The following TMEM232 variants were observed in gnomAD, a reference collection of about 807,000 sequenced individuals.
The protein encoded by TMEM232 is transmembrane protein 232.
In TMEM232, 80 loss-of-function variants were observed where a neutral mutation model predicts 78.8. The ratio of observed to expected loss-of-function variants is 1.01; its 90% CI spans 0.85 to 1.22. The LOEUF (loss-of-function observed/expected upper bound fraction) is 1.22, where lower values mean the gene tolerates loss of function less well. TMEM232 is among the 50% of genes most tolerant of loss of function. TMEM232 has a pLI of 0.00. For missense variants in TMEM232, 881 were observed against 742.2 expected (o/e 1.19, Z -2.17); for synonymous variants, 297 against 254.3 (o/e 1.17, Z -1.60).
At chr5:110,536,437 T>G (rs1772367893) in intron 11 of TMEM232, among the ~76,000 whole-genome samples, 1 of 152,240 alleles carries the variant, frequency 6.6e-6, no homozygotes, top group African/African-American at 2.4e-5. Flanking sequence ...GACTCTTTTC[T>G]ATCTTTTCTG....
At chr5:110,541,907 G>A (rs1219971969) in intron 11 of TMEM232, among the ~76,000 whole-genome samples, 1 of 152,104 alleles carries the variant, frequency 6.6e-6, no homozygotes, top group Non-Finnish European at 1.5e-5. Flanking sequence ...GAACTAACCA[G>A]CAACCCTAAA....
chr5:110,466,147 C>G (rs1013400701), intron 12 of TMEM232, among the ~76,000 whole-genome samples: 5 of 152,248 alleles, frequency 3.3e-5, no homozygotes, highest in African/African-American at 1.2e-4. Context: ...CTAATCACAA[C>G]TTTGAAAAAT....
At chr5:110,620,753 T>C (rs1211121491) in intron 7 of TMEM232, among the ~76,000 whole-genome samples, 1 of 151,104 alleles carries the variant, frequency 6.6e-6, no homozygotes, top group Non-Finnish European at 1.5e-5. Flanking sequence ...CCTTTGGCAG[T>C]AGAACATTGA....
At chr5:110,530,436 G>A (rs1771279234) in intron 11 of TMEM232, among the ~76,000 whole-genome samples, 1 of 152,122 alleles carries the variant, frequency 6.6e-6, no homozygotes, top group South Asian at 2.1e-4. Context: ...CATGTTTATT[G>A]CAACATTACT....
intron 1 of TMEM232, among the ~76,000 whole-genome samples, chr5:110,713,967 T>C (rs781264963): frequency 2.6e-5 from 4 of 152,188 alleles, no homozygotes; most frequent in Non-Finnish European, 5.9e-5. Context: ...AGGTGGTCTT[T>C]AATGGTCAGT....
Position 110,693,173 on chromosome 5 carries a change from T to C in TMEM232, c.-12-25809A>G, listed in dbSNP as rs367655563. ...ATATCCACTGTTCCGCAGCCACTGCTGCTGACACCCAGGCAAACAGGGTCT... is the reference window on the plus strand; with the variant it reads ...ATATCCACTGTTCCGCAGCCACTGCCGCTGACACCCAGGCAAACAGGGTCT... On this transcript the variant is annotated intron_variant, in intron 1 of 13. Coordinates refer to ENST00000455884, the MANE Select transcript of TMEM232 (RefSeq NM_001039763.4). Among the ~76,000 whole-genome samples, 13 of 152,328 alleles carry C rather than the reference T, an allele frequency of 8.5e-5. 2 individuals are homozygous for C. Among genetic ancestry groups the C allele is most frequent in the East Asian group, 5.8e-4 (3 of 5,170 alleles).
chr5:110,662,729 G>A (rs1388729213), intron 2 of TMEM232, among the ~76,000 whole-genome samples: 1 of 152,098 alleles, frequency 6.6e-6, no homozygotes, highest in African/African-American at 2.4e-5. Context: ...TACAGAAATA[G>A]TAGAGAAAGG....
intron 12 of TMEM232, among the ~76,000 whole-genome samples, chr5:110,505,884 A>T (rs576767573): frequency 3.3e-5 from 5 of 152,192 alleles, no homozygotes; most frequent in African/African-American, 1.2e-4. Flanking sequence ...CTTTTTTGTT[A>T]TTTTATTCAA....
chr5:110,733,364 A>T (rs1798858273), intron 2 of TMEM232, among the ~76,000 whole-genome samples: 1 of 152,182 alleles, frequency 6.6e-6, no homozygotes. Context: ...AAGGAATATA[A>T]ATCATTCTAC....
intron 1 of TMEM232, among the ~76,000 whole-genome samples, chr5:110,670,184 G>A (rs949765931): frequency 3.3e-5 from 5 of 152,178 alleles, no homozygotes; most frequent in African/African-American, 1.2e-4. Context: ...AAAAGAGGAA[G>A]TCAAATTGTC....
chr5:110,694,443 C>A (rs1794518535), intron 1 of TMEM232, among the ~76,000 whole-genome samples: 1 of 152,128 alleles, frequency 6.6e-6, no homozygotes, highest in East Asian at 1.9e-4. Context: ...GGATCAAATT[C>A]ATACATAACA....
Position 110,431,075 on chromosome 5 carries a change from A to G in TMEM232, c.1704-6159T>C, listed in dbSNP as rs999519417. Among the ~76,000 whole-genome samples, 4 of 151,614 alleles carry G rather than the reference A, an allele frequency of 2.6e-5. No homozygotes were observed. In the Admixed American group the frequency reaches 2.6e-4, roughly 10 times the overall value. On this transcript the variant is annotated intron_variant, in intron 12 of 13. Coordinates refer to ENST00000455884, the MANE Select transcript of TMEM232 (RefSeq NM_001039763.4). ...GGCAATCTTACAGGGTTGACAAAGC[A>G]AAAAAGAGTTTAGAGCTGCCGAGGT...
At chr5:110,423,776 C>CGTGA (rs1403212327) in intron 13 of TMEM232, among the ~76,000 whole-genome samples, 2 of 127,610 alleles carry the variant, frequency 1.6e-5, no homozygotes, top group East Asian at 5.3e-4. Context: ...GTTATTTATG[C>CGTGA]GTGCGTGTGT....
intron 11 of TMEM232, among the ~76,000 whole-genome samples, chr5:110,551,062 C>T (rs1326895224): frequency 1.3e-5 from 2 of 151,912 alleles, no homozygotes; most frequent in African/African-American, 2.4e-5. Context: ...TGCCTCTGAG[C>T]CCACAATGCC....
intron 12 of TMEM232, among the ~76,000 whole-genome samples, chr5:110,445,574 T>A (rs1759558118): frequency 1.3e-5 from 2 of 152,064 alleles, no homozygotes; most frequent in African/African-American, 4.8e-5. Flanking sequence ...CATAACAAAT[T>A]ACCCCATAAT....
At chr5:110,393,365 T>G (rs1314515790) in intron 3 of TMEM232, among the ~76,000 whole-genome samples, 1 of 152,202 alleles carries the variant, frequency 6.6e-6, no homozygotes, top group Non-Finnish European at 1.5e-5. Context: ...AAATTGTCCT[T>G]GAAGAATTGA....
At chr5:110,417,213 C>T (rs1756251630), downstream of TMEM232, among the ~76,000 whole-genome samples, 3 of 152,002 alleles carry the variant, frequency 2.0e-5, no homozygotes, top group Non-Finnish European at 4.4e-5. Flanking sequence ...AACTTTAGAC[C>T]TGAGATACGT....
intron 8 of TMEM232, among the ~76,000 whole-genome samples, chr5:110,616,148 C>T (rs1782899816): frequency 6.6e-6 from 1 of 151,832 alleles, no homozygotes; most frequent in Non-Finnish European, 1.5e-5. Flanking sequence ...AAGCTGGAAA[C>T]ATTGCAAAAC....
chr5:110,627,364 T>C (rs1784547184), intron 6 of TMEM232, among the ~76,000 whole-genome samples: 1 of 151,848 alleles, frequency 6.6e-6, no homozygotes, highest in Admixed American at 6.6e-5. Flanking sequence ...AAAAGCAGAA[T>C]ACAGAATGAG....
Sources: gnomAD v4.1 joint callset for allele counts (sites outside exome capture counted in the v4.1 genomes callset) on GRCh38, gnomAD v4.1.1 for gene constraint, MANE v1.5 for transcripts, NCBI Gene and HGNC (gene_info 2026-07-23, HGNC 2026-07-21) for gene names.